DCDC1: variants seen among roughly 807,000 people sequenced by gnomAD.
The protein encoded by DCDC1 is doublecortin domain-containing protein 1.
Under a neutral mutation model 178.3 loss-of-function variants are expected in DCDC1, and 200 were observed. That is an observed-to-expected ratio of 1.12 (90% CI 1.00 to 1.26). The LOEUF (loss-of-function observed/expected upper bound fraction) is 1.26. Among genes scored for constraint, DCDC1 ranks in the 50% most tolerant of loss-of-function variants. The probability of loss-of-function intolerance (pLI) is 0.00; values close to 1 mark genes in which losing one functional copy is unlikely to be tolerated. For missense variants in DCDC1, 1,983 were observed against 1,749.2 expected, an observed-to-expected ratio of 1.13 and a Z score of -2.38; for synonymous variants, 690 against 604.8, an observed-to-expected ratio of 1.14 and a Z score of -2.07.
At chr11:31,040,947 A>G (rs533791773) in intron 20 of DCDC1, among the ~76,000 whole-genome samples, 27 of 152,350 alleles carry the variant, frequency 1.8e-4, no homozygotes, top group Non-Finnish European at 3.2e-4. Context: ...TATGGAGAAA[A>G]TATCTCAAAT....
chr11:31,136,121 T>C (rs1174972027), intron 10 of DCDC1, among the ~76,000 whole-genome samples: 4 of 152,070 alleles, frequency 2.6e-5, no homozygotes, highest in African/African-American at 9.6e-5. Context: ...GAGACTTCTT[T>C]GCATTTCCCA....
chr11:31,263,149 T>C, intron 8 of DCDC1: 1 of 1,446,148 alleles, frequency 6.9e-7, no homozygotes, highest in Admixed American at 1.8e-5. Flanking sequence ...ATCTTTCATC[T>C]TAACGAAGAT....
At chr11:31,198,501 A>G (rs1185612546) in intron 9 of DCDC1, among the ~76,000 whole-genome samples, 1 of 152,004 alleles carries the variant, frequency 6.6e-6, no homozygotes, top group Non-Finnish European at 1.5e-5. Context: ...AAAATATAAT[A>G]TTATTATTTG....
At position 30,915,655 on chromosome 11, in the gene DCDC1, CT is replaced by C; in HGVS notation, c.3508del (p.Arg1170GlufsTer6). ...HKHCHQQFEY[R>X]DGQIISHAAP... ...AGCATGGCTTATAATCTGCCCATCT[CT>C]GTATTCGAACTGCTGATGACAATGC... On this transcript the variant is annotated frameshift_variant, in exon 27 of 39. Coordinates refer to ENST00000684477, the MANE Select transcript of DCDC1 (RefSeq NM_001387274.1). LOFTEE classifies it high-confidence loss of function. The C allele has an allele frequency of 6.2e-7, 1 of 1,613,948 alleles. No individual in the cohort carries two copies. Among genetic ancestry groups the C allele is most frequent in the Non-Finnish European group, 8.5e-7 (1 of 1,179,876 alleles).
chr11:31,013,572 T>A (rs1269889042), intron 20 of DCDC1, among the ~76,000 whole-genome samples: 1 of 152,212 alleles, frequency 6.6e-6, no homozygotes, highest in African/African-American at 2.4e-5. Context: ...GTGATCTTTT[T>A]GCTCTTTCAT....
chr11:30,952,638 T>C, intron 20 of DCDC1, 70 bp from the exon 21 acceptor site: 1 of 634,970 alleles, frequency 1.6e-6, no homozygotes, highest in Non-Finnish European at 2.6e-6. Flanking sequence ...ATTCATTTTA[T>C]TCATTGAGTA....
intron 18 of DCDC1, among the ~76,000 whole-genome samples, chr11:31,070,551 T>C (rs959298994): frequency 3.3e-5 from 5 of 152,190 alleles, no homozygotes; most frequent in African/African-American, 1.2e-4. Context: ...CAACCTACAG[T>C]CCTATCCTGG....
At chr11:31,265,696 A>T in intron 7 of DCDC1, 96 bp from the exon 8 acceptor site, 1 of 440,488 alleles carries the variant, frequency 2.3e-6, no homozygotes, top group Non-Finnish European at 3.7e-6. Flanking sequence ...ATTAAAAATT[A>T]TATTGTAAAA....
At chr11:31,315,640 G>A (rs1186214250) in intron 3 of DCDC1, among the ~76,000 whole-genome samples, 1 of 134,364 alleles carries the variant, frequency 7.4e-6, no homozygotes. Flanking sequence ...CCGGCCATCT[G>A]CATACCTTTT....
intron 22 of DCDC1, among the ~76,000 whole-genome samples, chr11:30,930,324 C>G (rs1016654295): frequency 1.3e-5 from 2 of 152,088 alleles, no homozygotes; most frequent in African/African-American, 4.8e-5. Flanking sequence ...CCATTTAAAC[C>G]TTCTGTGAAC....
At chr11:31,033,716 T>C (rs546388108) in intron 20 of DCDC1, among the ~76,000 whole-genome samples, 3 of 152,312 alleles carry the variant, frequency 2.0e-5, no homozygotes, top group African/African-American at 4.8e-5. Context: ...AGATATACAG[T>C]AGTCCCATAA....
intron 6 of DCDC1, among the ~76,000 whole-genome samples, chr11:31,291,317 A>G (rs540271489): frequency 2.6e-5 from 4 of 152,044 alleles, no homozygotes; most frequent in African/African-American, 9.7e-5. Context: ...CTGACCTCCA[A>G]ATAGTAACAT....
At chr11:31,108,232 T>C (rs1387135357) in intron 12 of DCDC1, among the ~76,000 whole-genome samples, 8 of 152,190 alleles carry the variant, frequency 5.3e-5, no homozygotes, top group East Asian at 1.9e-4. Flanking sequence ...GTCTTGAGCA[T>C]TGGAAAGGCA....
At chr11:31,090,934 T>C (rs1231938693) in intron 17 of DCDC1, among the ~76,000 whole-genome samples, 1 of 152,186 alleles carries the variant, frequency 6.6e-6, no homozygotes, top group Non-Finnish European at 1.5e-5. Context: ...TATATCTTCC[T>C]AAATCAGAAA....
chr11:31,063,089 C>T (rs935922471), intron 20 of DCDC1, among the ~76,000 whole-genome samples: 3 of 151,764 alleles, frequency 2.0e-5, no homozygotes, highest in African/African-American at 7.3e-5. Flanking sequence ...AGCCAAAAAA[C>T]ACATCAAAAA....
At chr11:31,247,906 G>T (rs1379672934) in intron 8 of DCDC1, among the ~76,000 whole-genome samples, 1 of 151,974 alleles carries the variant, frequency 6.6e-6, no homozygotes, top group Non-Finnish European at 1.5e-5. Context: ...TTGATATTTA[G>T]TAGTAATGTA....
chr11:30,888,126 G>GAA lies in DCDC1; in HGVS notation c.5082+4690_5082+4691dup, dbSNP rs1565030150. ...AGAAAGAAAGAAAGAAAGAAAGAAA[G>GAA]AAAGAAAGAAAGAAAGAAAGAAAGA... On this transcript the variant is annotated intron_variant, in intron 36 of 38. Coordinates refer to ENST00000684477, the MANE Select transcript of DCDC1 (RefSeq NM_001387274.1). Among the ~76,000 whole-genome samples the GAA allele has an allele frequency of 7.9e-3, 1,009 of 128,032 alleles. 68 individuals are homozygous for GAA. The highest frequency in any genetic ancestry group is 0.065 in the Admixed American group (800 of 12,352). The allele number at this position is 128,032 out of a possible 152,430, so 84.0% of individuals were successfully genotyped here. A position where few individuals can be genotyped will look rare whatever the true frequency, so the allele number is the denominator to read the frequency against.
chr11:31,311,002 C>T (rs1205126370), intron 3 of DCDC1, among the ~76,000 whole-genome samples: 1 of 152,164 alleles, frequency 6.6e-6, no homozygotes, highest in Non-Finnish European at 1.5e-5. Flanking sequence ...TCTGTGTCTA[C>T]CTGCCTCTTC....
chr11:30,874,884 GC>G (rs1941975598), intron 38 of DCDC1, among the ~76,000 whole-genome samples: 1 of 152,214 alleles, frequency 6.6e-6, no homozygotes, highest in African/African-American at 2.4e-5. Flanking sequence ...CTGCCTGCAA[GC>G]CCACAGAGGG....
Sources: allele counts gnomAD v4.1 joint callset (sites outside exome capture counted in the v4.1 genomes callset), GRCh38; gene constraint gnomAD v4.1.1; transcripts MANE v1.5; gene names NCBI Gene and HGNC (gene_info 2026-07-23, HGNC 2026-07-21).